CD5: variants seen among roughly 807,000 people sequenced by gnomAD.
CD5 encodes the protein T-cell surface glycoprotein CD5.
Under a neutral mutation model 60.3 loss-of-function variants are expected in CD5, and 36 were observed. The observed-to-expected ratio is 0.60, with a 90% CI of 0.46 to 0.79. The LOEUF (loss-of-function observed/expected upper bound fraction) is 0.79. Ranked by LOEUF, CD5 falls within the 30% of genes least tolerant of loss-of-function variation. CD5 has a pLI of 0.00. For synonymous variants in CD5, 230 were observed against 257.6 expected, an observed-to-expected ratio of 0.89 and a Z score of 1.03; for missense variants, 540 against 630.6, an observed-to-expected ratio of 0.86 and a Z score of 1.54.
In CD5 at chr11:61,118,947, C is replaced by G; in HGVS notation, c.433C>G (p.Pro145Ala). 1 of 1,613,588 alleles carries G rather than the reference C, an allele frequency of 6.2e-7. No homozygotes were observed. The highest frequency in any genetic ancestry group is 1.3e-5 in the African/African-American group (1 of 75,024). The change falls in exon 4 of 11, where the codon CCC becomes GCC. Residue 145 changes from proline to alanine, a missense_variant. Pro to Ala is a conservative substitution (Grantham distance 27). Coordinates refer to ENST00000347785, the MANE Select transcript of CD5 (RefSeq NM_014207.4). The surrounding 1 kb of genome is among the most constrained non-coding windows in gnomAD (Gnocchi z 4.7). The stretch of plus-strand genomic sequence containing the variant: ...GAAGACAACACCTCCAACGACAAGG[C>G]CCCCGCCCACCACAACTCCAGAGCC... ...PQKTTPPTTRPPPTTTPEPTA... is the reference protein window; with the variant it reads ...PQKTTPPTTRAPPTTTPEPTA...
In CD5 at chr11:61,126,433, C is replaced by T. The variant is rs138288456; in HGVS notation, c.*148C>T. On this transcript the variant is annotated 3_prime_UTR_variant, in exon 11 of 11. Transcript: ENST00000347785. ...AAGCCTTCCGGACAGGCGCTGCTGC[C>T]CCGAGTGGCAGGCCAGCTCACACTC... 3 of 152,398 alleles carry T rather than the reference C, an allele frequency of 2.0e-5. No individual in the cohort carries two copies. Among genetic ancestry groups the T allele is most frequent in the Non-Finnish European group, 4.4e-5 (3 of 68,064 alleles). 9.4% of individuals were successfully genotyped at this position (152,398 alleles called of 1,614,324 possible). A position where few individuals can be genotyped will look rare whatever the true frequency, so the allele number is the denominator to read the frequency against.
At chr11:61,111,185 CT>C (rs1860850194) in intron 1 of CD5, among the ~76,000 whole-genome samples, 1 of 152,168 alleles carries the variant, frequency 6.6e-6, no homozygotes, top group African/African-American at 2.4e-5. Context: ...CAGGGTCTGG[CT>C]GCACGAGCGC....
chr11:61,095,501 G>A, the CD5 span, among the ~76,000 whole-genome samples: 2 of 152,048 alleles, frequency 1.3e-5, no homozygotes, highest in Non-Finnish European at 2.9e-5. Flanking sequence ...ATCCTACTTG[G>A]GCTGACTGCC....
the CD5 span, among the ~76,000 whole-genome samples, chr11:61,094,521 T>G: frequency 1.4e-3 from 207 of 152,254 alleles, no homozygotes; most frequent in Non-Finnish European, 2.4e-3. Context: ...TACCAGCACT[T>G]TGGTTTTTGT....
At position 61,123,948 on chromosome 11, in the gene CD5, C is replaced by G. The variant is rs759230353; in HGVS notation, c.1279+11C>G. 6.2e-7 allele frequency: 1 copy of G among 1,611,314 alleles called. No homozygotes were observed. Among genetic ancestry groups the G allele is most frequent in the East Asian group, 2.2e-5 (1 of 44,874 alleles). Reference sequence around the variant, plus strand: ...GAATGAACCAAAACAGTAAGTGTCCCCGGAGGCAGGAGCCTCCCTCAGGCC... The same window carrying G: ...GAATGAACCAAAACAGTAAGTGTCCGCGGAGGCAGGAGCCTCCCTCAGGCC... On this transcript the variant is annotated intron_variant, in intron 8 of 10. Coordinates refer to ENST00000347785, the MANE Select transcript of CD5 (RefSeq NM_014207.4).
chr11:61,119,403 G>A lies in CD5; in HGVS notation c.633G>A (p.Lys211=), dbSNP rs763168704. 1 of 1,614,182 alleles carries A rather than the reference G, an allele frequency of 6.2e-7. No homozygotes were observed. Among genetic ancestry groups the A allele is most frequent in the Admixed American group, 1.7e-5 (1 of 60,034 alleles). The change falls in exon 5 of 11, where the codon AAG becomes AAA. Residue 211 remains lysine (K), a synonymous_variant. Coordinates refer to ENST00000347785, the MANE Select transcript of CD5 (RefSeq NM_014207.4). ...CNNLQCGSFL[K]HLPETEAGRA... is the part of the protein sequence containing the mutation. ...ACCTCCAGTGTGGCTCCTTCTTGAA[G>A]CATCTGCCAGAGACTGAGGCAGGCA... is the stretch of plus-strand genomic sequence containing the variant.
chr11:61,118,901 G>C lies in CD5; in HGVS notation c.401-14G>C, dbSNP rs200643370. 5.4e-5 allele frequency: 87 copies of C among 1,611,022 alleles called. 1 individual carries two copies. Among genetic ancestry groups the C allele is most frequent in the South Asian group, 4.0e-4 (36 of 90,986 alleles). ...CACCACCCATTCCTCCCTCACCAGAGTGTCTCATTGCAGAACCCCAGAAGA... is the reference window on the plus strand; with the variant it reads ...CACCACCCATTCCTCCCTCACCAGACTGTCTCATTGCAGAACCCCAGAAGA... On this transcript the variant is annotated splice_polypyrimidine_tract_variant and intron_variant, in intron 3 of 10. Transcript: ENST00000347785. This position sits in a 1 kb window ranked among gnomAD's most constrained non-coding sequence, Gnocchi z 4.7.
upstream of CD5, among the ~76,000 whole-genome samples, chr11:61,101,657 A>T (rs1860689944): frequency 2.6e-5 from 4 of 151,888 alleles, no homozygotes; most frequent in Admixed American, 1.3e-4. Flanking sequence ...ATCAACATGG[A>T]GATCACACAC....
rs769791636 is a variant in CD5 at position 61,118,340 on chromosome 11, G to A, written c.260G>A (p.Gly87Glu). ...ASKVCQRLNC[G>E]VPLSLGPFLV... is the part of the protein sequence containing the mutation. ...AAAGTCTGCCAGCGGCTGAACTGTG[G>A]GGTGCCCTTAAGCCTTGGCCCCTTC... Residue 87 changes from glycine (G) to glutamate (E), a missense_variant, in exon 3 of 11, where the codon GGG becomes GAG. Physicochemically the swap from Gly to Glu is moderately conservative, Grantham distance 98 (BLOSUM62 -2). Coordinates refer to ENST00000347785, the MANE Select transcript of CD5 (RefSeq NM_014207.4). This position sits in a 1 kb window ranked among gnomAD's most constrained non-coding sequence, Gnocchi z 4.7. 1.7e-5 allele frequency: 27 copies of A among 1,614,146 alleles called. No homozygotes were observed. Among genetic ancestry groups the A allele is most frequent in the Non-Finnish European group, 2.2e-5 (26 of 1,180,050 alleles).
intron 1 of CD5, among the ~76,000 whole-genome samples, chr11:61,105,466 C>T (rs1035423364): frequency 6.6e-6 from 1 of 152,138 alleles, no homozygotes; most frequent in Non-Finnish European, 1.5e-5. Flanking sequence ...TTCAATGAAT[C>T]AATGCACACA....
upstream of CD5, among the ~76,000 whole-genome samples, chr11:61,101,911 TACACACACACACACACACAC>T (rs35648034): frequency 7.0e-6 from 1 of 142,346 alleles, no homozygotes; most frequent in Non-Finnish European, 1.5e-5. Flanking sequence ...TCTCTCTCTC[TACACACACACACACACACAC>T]ACACACACAC....
intron 1 of CD5, among the ~76,000 whole-genome samples, chr11:61,111,038 T>C (rs919751249): frequency 3.9e-5 from 6 of 152,202 alleles, no homozygotes; most frequent in African/African-American, 1.4e-4. Context: ...AAGCATTTGT[T>C]AGAGCATTTT....
chr11:61,096,073 G>A, the CD5 span, among the ~76,000 whole-genome samples: 1 of 152,226 alleles, frequency 6.6e-6, no homozygotes, highest in Non-Finnish European at 1.5e-5. Flanking sequence ...GAAGGCGAAC[G>A]CCAGGCTAGG....
rs1390474215 is a variant in CD5 at position 61,115,110 on chromosome 11, A to G, written c.94+16A>G. On this transcript the variant is annotated intron_variant, in intron 2 of 10. Transcript: ENST00000347785. Reference sequence around the variant, plus strand: ...TATGACCCAGGTAAGGAAGAGCCACATGGAGAAAGGCCTGGGGCAGGGGGA... The same window carrying G: ...TATGACCCAGGTAAGGAAGAGCCACGTGGAGAAAGGCCTGGGGCAGGGGGA... The G allele has an allele frequency of 1.9e-6, 3 of 1,553,164 alleles. No homozygotes were observed. The highest frequency in any genetic ancestry group is 2.6e-6 in the Non-Finnish European group (3 of 1,147,630).
upstream of CD5, among the ~76,000 whole-genome samples, chr11:61,098,421 T>A (rs1156859910): frequency 6.6e-6 from 1 of 152,146 alleles, no homozygotes; most frequent in Non-Finnish European, 1.5e-5. Context: ...TCATACTGTC[T>A]TATGCCCAAT....
chr11:61,124,772 T>A (rs1861121258), intron 8 of CD5, among the ~76,000 whole-genome samples: 1 of 151,870 alleles, frequency 6.6e-6, no homozygotes. Flanking sequence ...AAATGCTTGA[T>A]GACCGACTCA....
chr11:61,098,951 A>G (rs1254385639), upstream of CD5, among the ~76,000 whole-genome samples: 1 of 152,150 alleles, frequency 6.6e-6, no homozygotes, highest in African/African-American at 2.4e-5. Flanking sequence ...TCCTTGAACT[A>G]CTTCCTACCT....
At chr11:61,125,692 A>G in intron 9 of CD5, 59 bp from the exon 10 acceptor site, 1 of 1,260,550 alleles carries the variant, frequency 7.9e-7, no homozygotes, top group South Asian at 1.3e-5. Flanking sequence ...CGGCTCTAGG[A>G]TCCAAGGGGC....
chr11:61,115,064 T>C lies in CD5; in HGVS notation c.64T>C (p.Cys22Arg). 3 of 1,558,414 alleles carry C rather than the reference T, an allele frequency of 1.9e-6. No homozygotes were observed. The highest frequency in any genetic ancestry group is 2.6e-6 in the Non-Finnish European group (3 of 1,150,268). The change falls in exon 2 of 11, where the codon TGC (cysteine) becomes CGC (arginine). Residue 22 changes from cysteine to arginine, a missense_variant. Coordinates refer to ENST00000347785, the MANE Select transcript of CD5 (RefSeq NM_014207.4). ...LYLLGMLVASCLGRLSWYDPD... is the reference protein window; with the variant it reads ...LYLLGMLVASRLGRLSWYDPD... ...CTCTCTTCTTTCTGCAGTCGCTTCC[T>C]GCCTCGGACGGCTCAGCTGGTATGA...
Sources: gnomAD v4.1 joint callset for allele counts (sites outside exome capture counted in the v4.1 genomes callset) on GRCh38, gnomAD v4.1.1 for gene constraint, Gnocchi (gnomAD v3.1) non-coding constraint, MANE v1.5 for transcripts, NCBI Gene and HGNC (gene_info 2026-07-23, HGNC 2026-07-21) for gene names.